SEMA6D: variants seen among roughly 807,000 people sequenced by gnomAD.
SEMA6D encodes the protein semaphorin-6D.
SEMA6D carries 35 observed loss-of-function variants against 106.6 expected under a neutral mutation model. That is an observed-to-expected ratio of 0.33 (90% CI 0.25 to 0.44). The LOEUF (loss-of-function observed/expected upper bound fraction) is 0.44, where lower values mean the gene tolerates loss of function less well. SEMA6D is among the 20% of genes least tolerant of loss of function. The pLI, the probability that SEMA6D is intolerant of heterozygous loss-of-function variation, is 1.00. For synonymous variants in SEMA6D, 499 were observed against 487.7 expected, an observed-to-expected ratio of 1.02 and a Z score of -0.31; for missense variants, 1,185 against 1,345.9, an observed-to-expected ratio of 0.88 and a Z score of 1.87.
At chr15:47,342,518 T>G (rs983294520) in intron 1 of SEMA6D, among the ~76,000 whole-genome samples, 3 of 152,228 alleles carry the variant, frequency 2.0e-5, no homozygotes, top group African/African-American at 7.2e-5. Context: ...TGTTTATTGT[T>G]AAAGTGTTTC....
chr15:47,512,314 C>T (rs1444014234), intron 3 of SEMA6D, among the ~76,000 whole-genome samples: 1 of 152,168 alleles, frequency 6.6e-6, no homozygotes, highest in Non-Finnish European at 1.5e-5. Context: ...AGCAGTGGCT[C>T]AGATTAATAT....
intron 4 of SEMA6D, among the ~76,000 whole-genome samples, chr15:47,693,542 C>T (rs1187995799): frequency 1.3e-5 from 2 of 152,100 alleles, no homozygotes; most frequent in Non-Finnish European, 2.9e-5. Flanking sequence ...GTCCCCAAGC[C>T]CTAAGACAGT....
chr15:47,703,538 C>T (rs1465807777), intron 4 of SEMA6D, among the ~76,000 whole-genome samples: 2 of 152,060 alleles, frequency 1.3e-5, no homozygotes, highest in Non-Finnish European at 2.9e-5. Context: ...GAACCCACTA[C>T]GTAGCAACCC....
intron 3 of SEMA6D, among the ~76,000 whole-genome samples, chr15:47,578,998 T>C (rs1308785795): frequency 6.6e-6 from 1 of 152,174 alleles, no homozygotes; most frequent in African/African-American, 2.4e-5. Flanking sequence ...CTGTTGTGTT[T>C]TGAGGAAACT....
chr15:47,367,134 G>A (rs911842526), intron 1 of SEMA6D, among the ~76,000 whole-genome samples: 7 of 152,210 alleles, frequency 4.6e-5, no homozygotes, highest in Non-Finnish European at 1.0e-4. Flanking sequence ...ATGAGACAGT[G>A]TTTGCTATAA....
At chr15:47,326,919 C>T (rs1424070361) in intron 1 of SEMA6D, among the ~76,000 whole-genome samples, 1 of 152,170 alleles carries the variant, frequency 6.6e-6, no homozygotes, top group African/African-American at 2.4e-5. Flanking sequence ...GATTCTGGAC[C>T]TATACTGTGG....
At chr15:47,283,717 C>T (rs1238818228) in intron 1 of SEMA6D, among the ~76,000 whole-genome samples, 1 of 152,174 alleles carries the variant, frequency 6.6e-6, no homozygotes, top group African/African-American at 2.4e-5. Flanking sequence ...ACCAGAAACA[C>T]AGCAAGCACA....
intron 1 of SEMA6D, among the ~76,000 whole-genome samples, chr15:47,746,010 C>G (rs566105204): frequency 7.9e-5 from 12 of 152,182 alleles, no homozygotes; most frequent in Non-Finnish European, 1.6e-4. Flanking sequence ...CTAAATCTTT[C>G]TGAGCAATCA....
intron 1 of SEMA6D, among the ~76,000 whole-genome samples, chr15:47,233,084 A>G (rs2032313285): frequency 6.6e-6 from 1 of 151,976 alleles, no homozygotes; most frequent in Non-Finnish European, 1.5e-5. Context: ...CAGCTTTTGC[A>G]TTTAGGTAAT....
intron 4 of SEMA6D, among the ~76,000 whole-genome samples, chr15:47,664,657 T>A (rs1005381560): frequency 2.6e-5 from 4 of 152,226 alleles, no homozygotes; most frequent in Non-Finnish European, 5.9e-5. Context: ...TCCTACTTTC[T>A]GCCTCCCTTT....
intron 4 of SEMA6D, among the ~76,000 whole-genome samples, chr15:47,605,054 C>T (rs2076750314): frequency 6.6e-6 from 1 of 152,114 alleles, no homozygotes; most frequent in African/African-American, 2.4e-5. Flanking sequence ...CCTGAAATTT[C>T]ACAGCTTAAA....
At chr15:47,569,518 TG>T (rs1230567178) in intron 3 of SEMA6D, among the ~76,000 whole-genome samples, 2 of 152,122 alleles carry the variant, frequency 1.3e-5, no homozygotes, top group African/African-American at 2.4e-5. Flanking sequence ...AACAGCTACT[TG>T]GGTCCAGCCA....
At chr15:47,711,595 C>CT (rs1319357763) in intron 4 of SEMA6D, among the ~76,000 whole-genome samples, 1 of 152,186 alleles carries the variant, frequency 6.6e-6, no homozygotes, top group Non-Finnish European at 1.5e-5. Context: ...AAGCCATACT[C>CT]TAACAGTGTT....
intron 1 of SEMA6D, among the ~76,000 whole-genome samples, chr15:47,316,607 GT>G (rs35168989): frequency 0.015 from 2,166 of 140,554 alleles, 55 homozygotes; most frequent in African/African-American, 0.049. Flanking sequence ...TTATTGAGAG[GT>G]TTTTTTTTTT....
chr15:47,576,269 C>A (rs1166483655), intron 3 of SEMA6D, among the ~76,000 whole-genome samples: 6 of 152,094 alleles, frequency 3.9e-5, no homozygotes, highest in Non-Finnish European at 8.8e-5. Flanking sequence ...TAAGAAAGAC[C>A]ACAGTCCAAA....
At chr15:47,713,479 C>T (rs543004572), upstream of SEMA6D, among the ~76,000 whole-genome samples, 4 of 152,166 alleles carry the variant, frequency 2.6e-5, no homozygotes, top group Non-Finnish European at 4.4e-5. Flanking sequence ...ATGCAGATGC[C>T]GAGATTTGGG....
chr15:47,601,302 C>G lies in SEMA6D; in HGVS notation c.-55+406C>G, dbSNP rs116424538. ...ATTAGAAAGCAAAGTGCCCCCAGCA[C>G]AGCCCTAACCTTTCAGCTTTGGTAA... On this transcript the variant is annotated intron_variant, in intron 4 of 19. Coordinates refer to the SEMA6D transcript ENST00000558014. Among the ~76,000 whole-genome samples the G allele has an allele frequency of 3.7e-3, 563 of 152,292 alleles. 7 individuals carry two copies. Among genetic ancestry groups the G allele is most frequent in the African/African-American group, 0.013 (547 of 41,568 alleles).
intron 1 of SEMA6D, among the ~76,000 whole-genome samples, chr15:47,233,844 A>G (rs994404686): frequency 4.6e-5 from 7 of 152,034 alleles, no homozygotes; most frequent in Admixed American, 1.3e-4. Flanking sequence ...CTATATATAT[A>G]AGATCAAATC....
At chr15:47,598,069 T>A (rs2076573033) in intron 3 of SEMA6D, among the ~76,000 whole-genome samples, 1 of 151,958 alleles carries the variant, frequency 6.6e-6, no homozygotes, top group Non-Finnish European at 1.5e-5. Context: ...GAATTTATAA[T>A]ATTGTGCACT....
Sources: allele counts gnomAD v4.1 joint callset (sites outside exome capture counted in the v4.1 genomes callset), GRCh38; gene constraint gnomAD v4.1.1; transcripts MANE v1.5; gene names NCBI Gene and HGNC (gene_info 2026-07-23, HGNC 2026-07-21).